CASP4: variants seen among roughly 807,000 people sequenced by gnomAD.
CASP4 encodes caspase-4.
Under a neutral mutation model 41.3 loss-of-function variants are expected in CASP4, and 29 were observed. The observed-to-expected ratio is 0.70, with a 90% CI of 0.52 to 0.96. CASP4 has a LOEUF of 0.96. Ranked by LOEUF, CASP4 falls within the 40% of genes least tolerant of loss-of-function variation. The probability of loss-of-function intolerance (pLI) is 0.00; values close to 1 mark genes in which losing one functional copy is unlikely to be tolerated. For synonymous variants in CASP4, 185 were observed against 158.4 expected, an observed-to-expected ratio of 1.17 and a Z score of -1.26; for missense variants, 447 against 460.6, an observed-to-expected ratio of 0.97 and a Z score of 0.27.
In CASP4 at chr11:104,955,108, A is replaced by G. The variant is rs997533999; in HGVS notation, c.8-107T>C. 43 of 1,094,978 alleles carry G rather than the reference A, an allele frequency of 3.9e-5. No homozygotes were observed. The South Asian group carries it at 6.5e-4, about 17-fold the overall frequency. The allele number at this position is 1,094,978 out of a possible 1,614,324, so 67.8% of individuals were successfully genotyped here. ...TGAAATACTTCTGAAAGTATGTCCT[A>G]CTTCACCATCTGTCTTCTTGTACCT... is the stretch of plus-strand genomic sequence containing the variant. On this transcript the variant is annotated intron_variant, in intron 1 of 8. Coordinates refer to ENST00000444739, the MANE Select transcript of CASP4 (RefSeq NM_001225.4).
At chr11:104,949,867 T>C (rs998819325) in intron 4 of CASP4, 90 bp from the exon 5 acceptor site, 4 of 1,229,254 alleles carry the variant, frequency 3.3e-6, no homozygotes, top group Non-Finnish European at 4.7e-6. Context: ...AAGAAACATA[T>C]GTAACATCCA....
chr11:104,943,636 G>A (rs1285350478), intron 8 of CASP4: 1 of 152,118 alleles, frequency 6.6e-6, no homozygotes, highest in Non-Finnish European at 1.5e-5. Context: ...TAGAATATAA[G>A]CTTTCAGAGT....
chr11:104,946,970 G>T, intron 7 of CASP4, 113 bp downstream of exon 7: 3 of 702,808 alleles, frequency 4.3e-6, no homozygotes, highest in Non-Finnish European at 7.6e-6. Flanking sequence ...ACAGAAACTG[G>T]GTACCTCTCT....
rs774764381 is a variant in CASP4, at chr11:104,950,993, T to C, written c.478A>G (p.Thr160Ala). 5 of 1,613,474 alleles carry C rather than the reference T, an allele frequency of 3.1e-6. No homozygotes were observed. In the South Asian group the frequency reaches 5.5e-5, roughly 18 times the overall value. The change falls in exon 4 of 9, where the codon ACA (threonine) becomes GCA (alanine). Residue 160 changes from threonine to alanine, a missense_variant. Thr to Ala is a moderately conservative substitution (Grantham distance 58). Coordinates refer to ENST00000444739, the MANE Select transcript of CASP4 (RefSeq NM_001225.4). Reference protein sequence around the residue: ...PPRNGADFDITGMKELLEGLD... With the variant: ...PPRNGADFDIAGMKELLEGLD... ...CCCTCAAGTAGCTCCTTCATCCCTG[T>C]GATGTCAAAGTCAGCTCCATTCCTC...
At chr11:104,957,854 A>G (rs1432587798) in intron 1 of CASP4, among the ~76,000 whole-genome samples, 1 of 152,194 alleles carries the variant, frequency 6.6e-6, no homozygotes, top group African/African-American at 2.4e-5. Flanking sequence ...TAAAGGGAAC[A>G]AAGCTGCAGG....
intron 1 of CASP4, among the ~76,000 whole-genome samples, chr11:104,966,863 T>C (rs1454791397): frequency 6.6e-6 from 1 of 152,230 alleles, no homozygotes; most frequent in Non-Finnish European, 1.5e-5. Flanking sequence ...ATTCTCTAAG[T>C]ATCCCCTTCA....
chr11:104,961,142 G>A (rs746375971), intron 1 of CASP4, among the ~76,000 whole-genome samples: 6 of 152,356 alleles, frequency 3.9e-5, no homozygotes, highest in Middle Eastern at 6.8e-3. Context: ...CCAAGTAGCC[G>A]CCTAGTTCTC....
intron 2 of CASP4, among the ~76,000 whole-genome samples, chr11:104,954,285 G>A (rs941031632): frequency 1.6e-4 from 25 of 152,078 alleles, no homozygotes; most frequent in African/African-American, 3.9e-4. Flanking sequence ...AGAGAGTTCC[G>A]GATGAGAGCT....
chr11:104,955,234 CT>C (rs1432925008), intron 1 of CASP4, among the ~76,000 whole-genome samples: 1 of 151,638 alleles, frequency 6.6e-6, no homozygotes, highest in African/African-American at 2.4e-5. Context: ...CTTTTCTTTT[CT>C]TTTAGCTTCT....
intron 6 of CASP4, 103 bp from the exon 7 acceptor site, chr11:104,947,295 G>A: frequency 1.6e-6 from 1 of 639,118 alleles, no homozygotes. Context: ...CATAGCTTGG[G>A]AATTATCTTT....
At chr11:104,945,121 A>G (rs947684597) in intron 7 of CASP4, among the ~76,000 whole-genome samples, 5 of 152,146 alleles carry the variant, frequency 3.3e-5, no homozygotes, top group Non-Finnish European at 7.4e-5. Context: ...TTTCTGACCT[A>G]CAGATCTGAC....
Position 104,954,674 on chromosome 11 carries a change from A to T in CASP4, c.262+73T>A, listed in dbSNP as rs1237983535. 1.4e-5 allele frequency: 19 copies of T among 1,328,238 alleles called. No individual in the cohort carries two copies. The East Asian group carries it at 4.4e-4, about 31-fold the overall frequency. 82.3% of individuals were successfully genotyped at this position (1,328,238 alleles called of 1,614,324 possible). A position where few individuals can be genotyped will look rare whatever the true frequency, so the allele number is the denominator to read the frequency against. ...GGGAAAGATAGGGGAATCACAGAAG[A>T]CACTGCTTAGGCCTTGGAGTTAAAC... On this transcript the variant is annotated intron_variant, in intron 2 of 8. Transcript: ENST00000444739.
Position 104,949,673 on chromosome 11 carries a change from G to T in CASP4, c.651C>A (p.Cys217Ter), listed in dbSNP as rs561464241. ...LMSHGILEGI[C>*]GTVHDEKKPD... ...GTTTTTTCTCATCATGCACAGTTCC[G>T]CAGATTCCCTCCAGGATGCCATGAG... is the stretch of plus-strand genomic sequence containing the variant. The change falls in exon 5 of 9, where the codon TGC becomes TGA. Residue 217 changes from cysteine (C) to a stop codon, truncating the protein, a stop_gained. Coordinates refer to ENST00000444739, the MANE Select transcript of CASP4 (RefSeq NM_001225.4). LOFTEE classifies it high-confidence loss of function. 2.5e-6 allele frequency: 4 copies of T among 1,613,766 alleles called. No homozygotes were observed. Among genetic ancestry groups the T allele is most frequent in the East Asian group, 4.5e-5 (2 of 44,880 alleles).
At position 104,946,104 on chromosome 11, in the gene CASP4, C is replaced by T. The variant is rs543897500; in HGVS notation, c.1035+979G>A. ...AAGCCACTCCACCCTCCTTCGGACT[C>T]CCAGAGTGCTGGGATTACAGGAATG... On this transcript the variant is annotated intron_variant, in intron 7 of 8. Coordinates refer to ENST00000444739, the MANE Select transcript of CASP4 (RefSeq NM_001225.4). Among the ~76,000 whole-genome samples, 15 of 152,280 alleles carry T rather than the reference C, an allele frequency of 9.9e-5. No homozygotes were observed. The East Asian group carries it at 2.5e-3, about 26-fold the overall frequency.
Position 104,950,919 on chromosome 11 carries a change from T to C in CASP4, c.546+6A>G, listed in dbSNP as rs758155562. The C allele has an allele frequency of 9.3e-6, 15 of 1,609,820 alleles. No homozygotes were observed. Among genetic ancestry groups the C allele is most frequent in the Non-Finnish European group, 5.1e-6 (6 of 1,177,830 alleles). ...TATGTGTTTGTGGCGGCTGAGGGATTCTTACCCTGGCTGTCAGATTCTCTT... is the reference window on the plus strand; with the variant it reads ...TATGTGTTTGTGGCGGCTGAGGGATCCTTACCCTGGCTGTCAGATTCTCTT... On this transcript the variant is annotated splice_donor_region_variant and intron_variant, in intron 4 of 8. Coordinates refer to ENST00000444739, the MANE Select transcript of CASP4 (RefSeq NM_001225.4).
chr11:104,965,468 A>C (rs2134661678), intron 1 of CASP4, among the ~76,000 whole-genome samples: 1 of 152,372 alleles, frequency 6.6e-6, no homozygotes, highest in Admixed American at 6.5e-5. Context: ...TTAAGCTATT[A>C]GAAAACCCAA....
At chr11:104,953,903 A>T (rs753473174) in intron 2 of CASP4, among the ~76,000 whole-genome samples, 5 of 152,196 alleles carry the variant, frequency 3.3e-5, no homozygotes, top group Non-Finnish European at 5.9e-5. Flanking sequence ...ATATTTTGTA[A>T]TTCGCAGAAG....
rs1860627691 is a variant in CASP4, at chr11:104,952,004, A to G, written c.264T>C (p.Ala88=). The G allele has an allele frequency of 1.3e-6, 2 of 1,590,312 alleles. No individual in the cohort carries two copies. Among genetic ancestry groups the G allele is most frequent in the South Asian group, 1.1e-5 (1 of 90,644 alleles). The change falls in exon 3 of 9, where the codon GCT becomes GCC. Residue 88 remains alanine (A), a splice_region_variant and synonymous_variant. Transcript: ENST00000444739. ...NIDQISPNKK[A]HPNMEAGPPE... The stretch of plus-strand genomic sequence containing the variant: ...GTGGTCCAGCCTCCATATTCGGATG[A>G]GCTGCAGGATATTGCAGAACATAAA...
intron 1 of CASP4, among the ~76,000 whole-genome samples, chr11:104,962,763 A>C (rs188551207): frequency 1.3e-5 from 2 of 152,358 alleles, no homozygotes; most frequent in Admixed American, 6.5e-5. Flanking sequence ...TGGAATAGCA[A>C]TAGAAACTGC....
Sources: allele counts gnomAD v4.1 joint callset (sites outside exome capture counted in the v4.1 genomes callset), GRCh38; gene constraint gnomAD v4.1.1; transcripts MANE v1.5; gene names NCBI Gene and HGNC (gene_info 2026-07-23, HGNC 2026-07-21).